The following ZEB1 variants were observed in gnomAD, a reference collection of about 807,000 sequenced individuals.
The protein encoded by ZEB1 is zinc finger E-box-binding homeobox 1.
A neutral mutation model predicts 84.9 loss-of-function variants in ZEB1; 21 were observed. The observed-to-expected ratio is 0.25, with a 90% CI of 0.18 to 0.36. ZEB1 has a LOEUF of 0.36. Among genes scored for constraint, ZEB1 ranks in the 10% least tolerant of loss-of-function variants. The pLI, the probability that ZEB1 is intolerant of heterozygous loss-of-function variation, is 1.00. For missense variants in ZEB1, 1,104 were observed against 1,330.2 expected (o/e 0.83, Z 2.65); for synonymous variants, 420 against 471.1 (o/e 0.89, Z 1.41).
chr10:31,349,494 A>G (rs981765982), intron 1 of ZEB1, among the ~76,000 whole-genome samples: 1 of 152,208 alleles, frequency 6.6e-6, no homozygotes, highest in Admixed American at 6.5e-5. Flanking sequence ...AGGACCCTCC[A>G]TACTGTTTTC....
intron 1 of ZEB1, among the ~76,000 whole-genome samples, chr10:31,429,800 A>G (rs1373783838): frequency 7.3e-6 from 1 of 136,570 alleles, no homozygotes; most frequent in Non-Finnish European, 1.5e-5. Flanking sequence ...CTGGAGTGCA[A>G]TGGCATAATC....
At chr10:31,436,721 G>A (rs565583328) in intron 1 of ZEB1, among the ~76,000 whole-genome samples, 11 of 152,232 alleles carry the variant, frequency 7.2e-5, no homozygotes, top group African/African-American at 1.7e-4. Context: ...GAGGAGCATT[G>A]GTTGTAAGCT....
At chr10:31,390,006 TCC>T (rs2049343874) in intron 1 of ZEB1, among the ~76,000 whole-genome samples, 2 of 152,070 alleles carry the variant, frequency 1.3e-5, no homozygotes, top group Non-Finnish European at 1.5e-5. Flanking sequence ...CATGCCAAAA[TCC>T]ACTGGATGAC....
At chr10:31,444,719 G>A (rs942488696) in intron 1 of ZEB1, among the ~76,000 whole-genome samples, 20 of 152,104 alleles carry the variant, frequency 1.3e-4, no homozygotes, top group Non-Finnish European at 2.1e-4. Flanking sequence ...AGATCAGATA[G>A]TCGTAGGTAT....
chr10:31,434,442 T>C (rs1243877129), intron 1 of ZEB1, among the ~76,000 whole-genome samples: 6 of 152,242 alleles, frequency 3.9e-5, no homozygotes, highest in Non-Finnish European at 8.8e-5. Context: ...AGACATATCT[T>C]CAGATGCTTA....
chr10:31,499,561 C>G (rs2067804952), intron 3 of ZEB1, among the ~76,000 whole-genome samples: 1 of 151,898 alleles, frequency 6.6e-6, no homozygotes, highest in South Asian at 2.1e-4. Context: ...TTGAGGAATT[C>G]TATAAAATCT....
intron 2 of ZEB1, among the ~76,000 whole-genome samples, chr10:31,485,229 T>C (rs187275876): frequency 2.6e-5 from 4 of 151,920 alleles, no homozygotes; most frequent in Non-Finnish European, 5.9e-5. Context: ...ATTTGTATAT[T>C]TATAGAATCC....
At position 31,423,171 on chromosome 10, in the gene ZEB1, A is replaced by G. The variant is rs72639509; in HGVS notation, c.59-37866A>G. On this transcript the variant is annotated intron_variant, in intron 1 of 8. Coordinates refer to ENST00000424869, the MANE Select transcript of ZEB1 (RefSeq NM_001174096.2). ...ATTAGAAGTGCTTCATATGGATACA[A>G]TGCCTACATTTCAGAAATCTTCATG... Among the ~76,000 whole-genome samples the G allele has an allele frequency of 7.3e-3, 1,112 of 152,228 alleles. 100 individuals are homozygous for G. The East Asian group carries it at 0.18, about 24-fold the overall frequency.
chr10:31,330,721 T>C (rs1320795871), intron 1 of ZEB1, among the ~76,000 whole-genome samples: 2 of 152,204 alleles, frequency 1.3e-5, no homozygotes, highest in African/African-American at 2.4e-5. Context: ...TTTTAGTTAC[T>C]TTTAACTTTG....
chr10:31,518,787 G>A (rs954327799), intron 6 of ZEB1, among the ~76,000 whole-genome samples: 4 of 152,084 alleles, frequency 2.6e-5, no homozygotes, highest in Non-Finnish European at 4.4e-5. Flanking sequence ...AGATTAGCTG[G>A]TGTCAAGAAT....
chr10:31,417,488 T>G (rs1372141497), intron 1 of ZEB1, among the ~76,000 whole-genome samples: 2 of 152,146 alleles, frequency 1.3e-5, no homozygotes, highest in African/African-American at 4.8e-5. Flanking sequence ...TATCACATAC[T>G]GTCTTAACAA....
intron 1 of ZEB1, among the ~76,000 whole-genome samples, chr10:31,345,278 A>G (rs1303611041): frequency 6.6e-6 from 1 of 152,136 alleles, no homozygotes; most frequent in Non-Finnish European, 1.5e-5. Flanking sequence ...ATACACTGTG[A>G]TAGAAAAAAA....
At chr10:31,413,113 C>T (rs549518251) in intron 1 of ZEB1, among the ~76,000 whole-genome samples, 5 of 152,294 alleles carry the variant, frequency 3.3e-5, no homozygotes, top group African/African-American at 9.6e-5. Context: ...ATTAGTTCTA[C>T]ACCTCATTTG....
intron 1 of ZEB1, among the ~76,000 whole-genome samples, chr10:31,346,304 G>A (rs2040300365): frequency 6.6e-6 from 1 of 152,136 alleles, no homozygotes; most frequent in Non-Finnish European, 1.5e-5. Context: ...GTTATTTTAA[G>A]TAACTGGATA....
intron 1 of ZEB1, among the ~76,000 whole-genome samples, chr10:31,340,305 G>A (rs1291839181): frequency 6.6e-6 from 1 of 152,036 alleles, no homozygotes; most frequent in Non-Finnish European, 1.5e-5. Context: ...AACACCTAGG[G>A]ATACATTTTA....
intron 1 of ZEB1, chr10:31,363,026 G>T (rs1477705295): frequency 8.5e-6 from 13 of 1,533,792 alleles, no homozygotes; most frequent in African/African-American, 1.4e-5. Context: ...TCACACCTCA[G>T]TTGCAGGGGA....
intron 1 of ZEB1, among the ~76,000 whole-genome samples, chr10:31,382,030 A>AC (rs1430909612): frequency 1.4e-5 from 2 of 147,556 alleles, no homozygotes; most frequent in African/African-American, 5.3e-5. Context: ...AAAAAAAAAA[A>AC]AAAACAAAGT....
intron 1 of ZEB1, among the ~76,000 whole-genome samples, chr10:31,379,630 G>T (rs1159857785): frequency 1.3e-5 from 2 of 151,472 alleles, no homozygotes; most frequent in East Asian, 3.9e-4. Flanking sequence ...GTGAATGTTC[G>T]TTATATAGTA....
chr10:31,447,707 G>A (rs1485651543), intron 1 of ZEB1, among the ~76,000 whole-genome samples: 1 of 151,532 alleles, frequency 6.6e-6, no homozygotes. Context: ...ATTCTGGGTT[G>A]AAAATTCTTT....
Sources: allele counts gnomAD v4.1 joint callset (sites outside exome capture counted in the v4.1 genomes callset), GRCh38; gene constraint gnomAD v4.1.1; transcripts MANE v1.5; gene names NCBI Gene and HGNC (gene_info 2026-07-23, HGNC 2026-07-21).